PALM2AKAP2: variants seen among roughly 807,000 people sequenced by gnomAD.
The protein encoded by PALM2AKAP2 is PALM2-AKAP2 fusion protein.
Under a neutral mutation model 71.5 loss-of-function variants are expected in PALM2AKAP2, and 37 were observed. That is an observed-to-expected ratio of 0.52 (90% CI 0.40 to 0.68). The LOEUF (loss-of-function observed/expected upper bound fraction) is 0.68, where lower values mean the gene tolerates loss of function less well. Among genes scored for constraint, PALM2AKAP2 ranks in the 30% least tolerant of loss-of-function variants. The pLI is 0.00. For synonymous variants in PALM2AKAP2, 468 were observed against 478.8 expected, an observed-to-expected ratio of 0.98 and a Z score of 0.29; for missense variants, 1,224 against 1,191.8, an observed-to-expected ratio of 1.03 and a Z score of -0.40.
chr9:109,843,204 G>C (rs1398729917), intron 1 of PALM2AKAP2, among the ~76,000 whole-genome samples: 1 of 143,064 alleles, frequency 7.0e-6, no homozygotes, highest in Non-Finnish European at 1.5e-5. Context: ...TACTCAGGAG[G>C]CTAAAGAGGA....
intron 3 of PALM2AKAP2, among the ~76,000 whole-genome samples, chr9:109,886,116 C>T (rs909553112): frequency 4.6e-5 from 7 of 152,130 alleles, no homozygotes; most frequent in African/African-American, 1.7e-4. Flanking sequence ...TAGACGTTTC[C>T]TTTTTTGAAT....
At chr9:110,086,769 C>T (rs2118748492) in intron 1 of PALM2AKAP2, among the ~76,000 whole-genome samples, 1 of 152,306 alleles carries the variant, frequency 6.6e-6, no homozygotes, top group East Asian at 1.9e-4. Flanking sequence ...GTGTTATGTA[C>T]TTTTCCAGTT....
intron 1 of PALM2AKAP2, among the ~76,000 whole-genome samples, chr9:109,836,352 G>C (rs1478075046): frequency 6.6e-6 from 1 of 152,182 alleles, no homozygotes; most frequent in Non-Finnish European, 1.5e-5. Context: ...CAAACAGAAA[G>C]GACATCGACA....
chr9:110,155,028 G>A (rs995143211), intron 2 of PALM2AKAP2, among the ~76,000 whole-genome samples: 1 of 152,194 alleles, frequency 6.6e-6, no homozygotes, highest in African/African-American at 2.4e-5. Flanking sequence ...TGGAAGAGCA[G>A]GAGTTAAAAA....
At chr9:109,713,328 A>T (rs1828268767) in intron 1 of PALM2AKAP2, among the ~76,000 whole-genome samples, 1 of 152,158 alleles carries the variant, frequency 6.6e-6, no homozygotes, top group Non-Finnish European at 1.5e-5. Flanking sequence ...GGGCTGGGAA[A>T]TATCTAAGTC....
chr9:110,022,560 CTTTATT>C lies in PALM2AKAP2; in HGVS notation c.582+6530_582+6535del, dbSNP rs1833092252. Among the ~76,000 whole-genome samples the C allele has an allele frequency of 2.0e-5, 3 of 148,934 alleles. No individual in the cohort carries two copies. The South Asian group carries it at 6.3e-4, about 31-fold the overall frequency. ...GTGGCACATTCTTTTCTTTTTTTTT[CTTTATT>C]TTTATTTTATTTTATTTTATTATTA... On this transcript the variant is annotated intron_variant, in intron 7 of 9. Coordinates refer to the PALM2AKAP2 transcript ENST00000302798.
chr9:110,145,006 G>A (rs1564332833), intron 2 of PALM2AKAP2, among the ~76,000 whole-genome samples: 1 of 152,126 alleles, frequency 6.6e-6, no homozygotes, highest in Non-Finnish European at 1.5e-5. Context: ...TGTTGAGCCT[G>A]CTCTATGAGG....
chr9:109,859,416 G>A (rs1016450673), intron 1 of PALM2AKAP2, among the ~76,000 whole-genome samples: 4 of 152,144 alleles, frequency 2.6e-5, no homozygotes, highest in African/African-American at 9.7e-5. Context: ...AACATAGCTG[G>A]AAGAGAGGAC....
chr9:109,645,541 TA>T (rs1376821508), intron 1 of PALM2AKAP2, among the ~76,000 whole-genome samples: 1 of 147,116 alleles, frequency 6.8e-6, no homozygotes, highest in Non-Finnish European at 1.5e-5. Context: ...AAGAGCTTCT[TA>T]GTTTAAGAAA....
intron 1 of PALM2AKAP2, among the ~76,000 whole-genome samples, chr9:109,761,961 G>A (rs1221794000): frequency 1.3e-5 from 2 of 152,134 alleles, no homozygotes; most frequent in Non-Finnish European, 2.9e-5. Context: ...GGTCATTAGA[G>A]AAATGCGAGT....
intron 1 of PALM2AKAP2, among the ~76,000 whole-genome samples, chr9:109,785,380 T>C (rs902061604): frequency 2.0e-5 from 3 of 152,018 alleles, no homozygotes; most frequent in African/African-American, 7.3e-5. Flanking sequence ...TACAGGTGAG[T>C]ATTCAGAGCT....
intron 1 of PALM2AKAP2, among the ~76,000 whole-genome samples, chr9:109,689,273 G>T (rs551791243): frequency 4.1e-5 from 6 of 147,446 alleles, no homozygotes; most frequent in African/African-American, 1.5e-4. Context: ...TGCCATCTCA[G>T]CTCACTGCAA....
intron 3 of PALM2AKAP2, among the ~76,000 whole-genome samples, chr9:109,892,731 T>C (rs1830115013): frequency 6.6e-6 from 1 of 152,042 alleles, no homozygotes. Flanking sequence ...CCTGTATAAT[T>C]TGAGGCAAGT....
chr9:110,027,071 G>A (rs368725673), intron 7 of PALM2AKAP2, among the ~76,000 whole-genome samples: 77 of 152,198 alleles, frequency 5.1e-4, no homozygotes, highest in African/African-American at 1.9e-3. Context: ...AGAAAAGCCA[G>A]TAAGATGGCT....
intron 1 of PALM2AKAP2, among the ~76,000 whole-genome samples, chr9:109,712,863 C>T (rs1187122702): frequency 6.6e-6 from 1 of 152,168 alleles, no homozygotes; most frequent in Non-Finnish European, 1.5e-5. Context: ...ACTGTTAGAC[C>T]ATGATAACAC....
intron 1 of PALM2AKAP2, among the ~76,000 whole-genome samples, chr9:109,818,913 T>C (rs1827917931): frequency 6.6e-6 from 1 of 152,212 alleles, no homozygotes; most frequent in Non-Finnish European, 1.5e-5. Flanking sequence ...ACTTGGAACA[T>C]CCAGTTGCCA....
chr9:109,673,001 T>C (rs1827597620), intron 1 of PALM2AKAP2, among the ~76,000 whole-genome samples: 1 of 152,150 alleles, frequency 6.6e-6, no homozygotes, highest in South Asian at 2.1e-4. Flanking sequence ...TCTTCTTTAT[T>C]AGTCTAGCTA....
At chr9:109,951,998 C>T (rs1057223510) in intron 6 of PALM2AKAP2, among the ~76,000 whole-genome samples, 4 of 152,218 alleles carry the variant, frequency 2.6e-5, no homozygotes, top group Admixed American at 6.5e-5. Context: ...TGTTTAAGAG[C>T]ATCTGAAGAC....
chr9:109,985,356 T>A (rs1832352843), intron 6 of PALM2AKAP2, among the ~76,000 whole-genome samples: 1 of 151,842 alleles, frequency 6.6e-6, no homozygotes, highest in Non-Finnish European at 1.5e-5. Context: ...TGTAAAACTG[T>A]CTTGAGTAAT....
Sources: gnomAD v4.1 joint callset for allele counts (sites outside exome capture counted in the v4.1 genomes callset) on GRCh38, gnomAD v4.1.1 for gene constraint, MANE v1.5 for transcripts, NCBI Gene and HGNC (gene_info 2026-07-23, HGNC 2026-07-21) for gene names.